Variants in NUP214 observed in about 807,000 individuals in gnomAD.
NUP214 encodes nuclear pore complex protein Nup214.
In NUP214, 79 loss-of-function variants were observed where a neutral mutation model predicts 196.2. That is an observed-to-expected ratio of 0.40 (90% CI 0.34 to 0.49). NUP214 has a LOEUF of 0.49. Among genes scored for constraint, NUP214 ranks in the 20% least tolerant of loss-of-function variants. The pLI is 0.58. For missense variants in NUP214, 2,468 were observed against 2,539.0 expected (o/e 0.97, Z 0.60); for synonymous variants, 1,020 against 990.5 (o/e 1.03, Z -0.56).
At chr9:131,184,212 G>A (rs1588152041) in intron 24 of NUP214, among the ~76,000 whole-genome samples, 1 of 151,042 alleles carries the variant, frequency 6.6e-6, no homozygotes, top group Non-Finnish European at 1.5e-5. Flanking sequence ...TGTATTTTTA[G>A]TAGAGACGGG....
chr9:131,127,454 G>A, intron 1 of NUP214, 70 bp from the exon 2 acceptor site: 1 of 1,236,106 alleles, frequency 8.1e-7, no homozygotes, highest in Non-Finnish European at 1.2e-6. Flanking sequence ...CTGAAATTGG[G>A]TCTACTGAAT....
chr9:131,228,366 A>G (rs759831974), intron 33 of NUP214, 35 bp downstream of exon 33: 1 of 1,550,536 alleles, frequency 6.4e-7, no homozygotes, highest in Non-Finnish European at 8.6e-7. Flanking sequence ...GGGAACCCAC[A>G]CGCCAGCCAA....
intron 21 of NUP214, among the ~76,000 whole-genome samples, chr9:131,166,300 G>A (rs774927343): frequency 6.6e-6 from 1 of 152,078 alleles, no homozygotes; most frequent in Non-Finnish European, 1.5e-5. Flanking sequence ...TTCTCAGAAC[G>A]TCTTTGTTCA....
At chr9:131,141,393 C>T (rs1028567760) in intron 11 of NUP214, among the ~76,000 whole-genome samples, 1 of 151,786 alleles carries the variant, frequency 6.6e-6, no homozygotes, top group African/African-American at 2.4e-5. Flanking sequence ...TACCTATCCT[C>T]CATGAAAATG....
At chr9:131,211,788 C>T (rs1288598562) in intron 30 of NUP214, among the ~76,000 whole-genome samples, 1 of 152,166 alleles carries the variant, frequency 6.6e-6, no homozygotes, top group Non-Finnish European at 1.5e-5. Flanking sequence ...TCTTCATAAG[C>T]TGAGGATGTA....
chr9:131,142,043 G>A (rs1362015616), intron 11 of NUP214, among the ~76,000 whole-genome samples: 2 of 152,124 alleles, frequency 1.3e-5, no homozygotes, highest in Non-Finnish European at 2.9e-5. Context: ...CTAACAACTG[G>A]CAGCACTACC....
chr9:131,197,282 C>T lies in NUP214; in HGVS notation c.3788C>T (p.Pro1263Leu), dbSNP rs1180016148. ...TTCTCATCTGGTGGGGGAAGCAAACCTTCTTATGAGGCCATTCCTGAAAGC... is the reference window on the plus strand; with the variant it reads ...TTCTCATCTGGTGGGGGAAGCAAACTTTCTTATGAGGCCATTCCTGAAAGC... ...DAFSSGGGSK[P>L]SYEAIPESSP... The change falls in exon 29 of 36, where the codon CCT becomes CTT. Residue 1263 changes from proline (P) to leucine (L), a missense_variant. Pro to Leu is a moderately conservative substitution (Grantham distance 98). Around this residue, in one of 5 missense-constraint regions of NUP214, gnomAD observed 1,801 missense variants for 1,779.4 expected, o/e 1.01. Transcript: ENST00000359428. 8.7e-6 allele frequency: 14 copies of T among 1,612,258 alleles called. No homozygotes were observed. Among genetic ancestry groups the T allele is most frequent in the East Asian group, 2.2e-5 (1 of 44,894 alleles).
chr9:131,139,099 T>C (rs1348102401), intron 9 of NUP214, among the ~76,000 whole-genome samples, 182 bp from the exon 10 acceptor site: 1 of 152,196 alleles, frequency 6.6e-6, no homozygotes, highest in Non-Finnish European at 1.5e-5. Flanking sequence ...GGGGTACTTC[T>C]GGCTTTTAGG....
chr9:131,199,471 G>A (rs1833887341), intron 29 of NUP214, among the ~76,000 whole-genome samples: 1 of 152,176 alleles, frequency 6.6e-6, no homozygotes, highest in African/African-American at 2.4e-5. Flanking sequence ...CCACCGCCCT[G>A]CCAGTGTTTT....
chr9:131,175,300 AAAGAT>A (rs1209503012), intron 22 of NUP214, among the ~76,000 whole-genome samples, 155 bp from the exon 23 acceptor site: 2 of 152,204 alleles, frequency 1.3e-5, no homozygotes, highest in African/African-American at 4.8e-5. Flanking sequence ...GCGATAACTG[AAAGAT>A]ATAGATGCCA....
At chr9:131,192,135 C>T (rs1289031633) in intron 26 of NUP214, 73 bp from the exon 27 acceptor site, 19 of 1,017,644 alleles carry the variant, frequency 1.9e-5, no homozygotes, top group Non-Finnish European at 2.4e-5. Flanking sequence ...GGGAATTATA[C>T]ACTGGAACAG....
At chr9:131,204,172 C>A (rs1564209286) in intron 30 of NUP214, among the ~76,000 whole-genome samples, 1 of 152,218 alleles carries the variant, frequency 6.6e-6, no homozygotes, top group Non-Finnish European at 1.5e-5. Context: ...TCAGAAATCA[C>A]CTTTGCACAG....
chr9:131,144,512 C>T lies in NUP214; in HGVS notation c.1527C>T (p.Ser509=), dbSNP rs142073749. Residue 509 remains serine, a synonymous_variant, in exon 12 of 36, where the codon TCC becomes TCT. Coordinates refer to ENST00000359428, the MANE Select transcript of NUP214 (RefSeq NM_005085.4). ...CATATTCCAGTGGCTCCGACAGCTC[C>T]AAAGCAGCCCCAGGCCCTGGCCCAT... ...PPSYSSGSDS[S]KAAPGPGPST... 5 of 1,614,066 alleles carry T rather than the reference C, an allele frequency of 3.1e-6. No individual in the cohort carries two copies. In the African/African-American group the frequency reaches 6.7e-5, roughly 22 times the overall value.
chr9:131,198,991 G>A lies in NUP214; in HGVS notation c.5497G>A (p.Gly1833Arg). The A allele has an allele frequency of 6.2e-7, 1 of 1,601,666 alleles. No individual in the cohort carries two copies. The highest frequency in any genetic ancestry group is 8.5e-7 in the Non-Finnish European group (1 of 1,172,436). The change falls in exon 29 of 36, where the codon GGG becomes AGG. Residue 1833 changes from glycine to arginine, a missense_variant. Gly to Arg is a moderately radical substitution (Grantham distance 125). Transcript: ENST00000359428. The stretch of plus-strand genomic sequence containing the variant: ...TGCCACCACAACAGCAGCAACCTCT[G>A]GGTTCAGCTTTTGCCAAGCTTCAGG... The part of the protein sequence containing the change: ...SAATTTAATS[G>R]FSFCQASGFG...
chr9:131,224,806 A>G (rs1834678506), intron 32 of NUP214, among the ~76,000 whole-genome samples: 1 of 152,254 alleles, frequency 6.6e-6, no homozygotes, highest in African/African-American at 2.4e-5. Context: ...AAGGGCCACA[A>G]GGCTTTTATC....
At chr9:131,199,453 A>G (rs148770598) in intron 29 of NUP214, among the ~76,000 whole-genome samples, 30 of 152,366 alleles carry the variant, frequency 2.0e-4, no homozygotes, top group African/African-American at 6.7e-4. Context: ...TCCAAGTGTC[A>G]TCATAGTCCA....
intron 24 of NUP214, among the ~76,000 whole-genome samples, chr9:131,179,542 G>A (rs991843577): frequency 6.6e-6 from 1 of 152,122 alleles, no homozygotes; most frequent in Non-Finnish European, 1.5e-5. Context: ...GTTAGTGTCT[G>A]GTACCCATGA....
intron 31 of NUP214, among the ~76,000 whole-genome samples, chr9:131,221,049 T>C (rs1834541909): frequency 6.6e-6 from 1 of 152,246 alleles, no homozygotes; most frequent in Non-Finnish European, 1.5e-5. Context: ...AAATCTGTTC[T>C]TGAAATACCA....
rs544349324 is a variant in NUP214 at position 131,228,689 on chromosome 9, A to G, written c.6074+358A>G. 57 of 181,936 alleles carry G rather than the reference A, an allele frequency of 3.1e-4. No individual in the cohort carries two copies. In the East Asian group the frequency reaches 8.6e-3, roughly 28 times the overall value. 11.3% of individuals were successfully genotyped at this position (181,936 alleles called of 1,614,324 possible). On this transcript the variant is annotated intron_variant, in intron 33 of 35. Transcript: ENST00000359428. ...GTGGAGCTTCTGTTAGGAAGTCCTC[A>G]ATGAATGGTTTTCACCAGATTCTTT... is the stretch of plus-strand genomic sequence containing the variant.
Sources: allele counts gnomAD v4.1 joint callset (sites outside exome capture counted in the v4.1 genomes callset), GRCh38; gene constraint gnomAD v4.1.1; regional missense constraint gnomAD v4.1.1; transcripts MANE v1.5; gene names NCBI Gene and HGNC (gene_info 2026-07-23, HGNC 2026-07-21).